Variants in TRAPPC9 observed in about 807,000 individuals in gnomAD.
TRAPPC9 encodes the protein trafficking protein particle complex subunit 9.
TRAPPC9 carries 83 observed loss-of-function variants against 124.0 expected under a neutral mutation model. That is an observed-to-expected ratio of 0.67 (90% CI 0.56 to 0.80). The LOEUF (loss-of-function observed/expected upper bound fraction) is 0.80. Among genes scored for constraint, TRAPPC9 ranks in the 30% least tolerant of loss-of-function variants. TRAPPC9 has a pLI of 0.00. For missense variants in TRAPPC9, 1,302 were observed against 1,508.3 expected (o/e 0.86, Z 2.27); for synonymous variants, 638 against 617.5 (o/e 1.03, Z -0.49).
At chr8:140,369,067 C>T (rs997009251) in intron 8 of TRAPPC9, among the ~76,000 whole-genome samples, 2 of 152,098 alleles carry the variant, frequency 1.3e-5, no homozygotes, top group Admixed American at 6.5e-5. Flanking sequence ...CCGCACAGAC[C>T]GTGTGGCTCA....
At chr8:139,761,612 G>A (rs909488871) in intron 21 of TRAPPC9, among the ~76,000 whole-genome samples, 3 of 151,896 alleles carry the variant, frequency 2.0e-5, no homozygotes, top group East Asian at 2.0e-4. Context: ...GCACAGCTCC[G>A]CCAGGTGTCA....
chr8:140,336,826 TGACGATGGAAGGAAGAA>T (rs2132034087), intron 9 of TRAPPC9, among the ~76,000 whole-genome samples: 1 of 152,236 alleles, frequency 6.6e-6, no homozygotes, highest in South Asian at 2.1e-4. Context: ...ACCAGGGCCG[TGACGATGGAAGGAAGAA>T]GACGAATTCC....
chr8:139,842,887 C>T (rs1826832140), intron 21 of TRAPPC9, among the ~76,000 whole-genome samples: 1 of 152,238 alleles, frequency 6.6e-6, no homozygotes, highest in African/African-American at 2.4e-5. Context: ...TGTCACCCCT[C>T]TAATCTTAAG....
chr8:139,765,455 G>A (rs1302036519), intron 21 of TRAPPC9, among the ~76,000 whole-genome samples: 2 of 152,234 alleles, frequency 1.3e-5, no homozygotes, highest in African/African-American at 4.8e-5. Flanking sequence ...GGCTCCAGAA[G>A]GTTAGTAGCC....
At chr8:140,207,450 C>T (rs2062953705) in intron 17 of TRAPPC9, among the ~76,000 whole-genome samples, 1 of 152,224 alleles carries the variant, frequency 6.6e-6, no homozygotes, top group Non-Finnish European at 1.5e-5. Flanking sequence ...TTCTGTCAGT[C>T]ATTCTCAATA....
chr8:139,941,807 G>A (rs79506242), intron 19 of TRAPPC9, among the ~76,000 whole-genome samples: 3,222 of 152,306 alleles, frequency 0.021, 82 homozygotes, highest in East Asian at 0.064. Flanking sequence ...GCACCCCTGG[G>A]CTCAGTCTCT....
intron 16 of TRAPPC9, among the ~76,000 whole-genome samples, chr8:140,245,393 G>C (rs1003400991): frequency 6.6e-6 from 1 of 152,110 alleles, no homozygotes; most frequent in Non-Finnish European, 1.5e-5. Context: ...CAGTTTAGCT[G>C]TGCCTGTTTT....
intron 18 of TRAPPC9, among the ~76,000 whole-genome samples, chr8:140,019,694 A>G (rs1409828117): frequency 6.6e-6 from 1 of 151,534 alleles, no homozygotes; most frequent in Non-Finnish European, 1.5e-5. Flanking sequence ...CTGGAATTAC[A>G]GGCATGCACC....
At chr8:140,184,623 A>G (rs1363774182) in intron 17 of TRAPPC9, among the ~76,000 whole-genome samples, 4 of 151,936 alleles carry the variant, frequency 2.6e-5, no homozygotes, top group South Asian at 4.1e-4. Flanking sequence ...GTTTTGTTTT[A>G]TTTTTAGTAG....
At chr8:140,159,048 C>T (rs1587830436) in intron 17 of TRAPPC9, among the ~76,000 whole-genome samples, 1 of 152,154 alleles carries the variant, frequency 6.6e-6, no homozygotes, top group South Asian at 2.1e-4. Context: ...CTGCCCTTGG[C>T]GGAAGTTCCC....
At position 139,728,270 on chromosome 8, in the gene TRAPPC9, C is replaced by T. The variant is rs1232055927; in HGVS notation, c.*2791G>A. Among the ~76,000 whole-genome samples the T allele has an allele frequency of 4.6e-5, 7 of 152,094 alleles. No individual in the cohort carries two copies. Among genetic ancestry groups the T allele is most frequent in the Admixed American group, 6.5e-5 (1 of 15,274 alleles). On this transcript the variant is annotated 3_prime_UTR_variant, in exon 23 of 23. Coordinates refer to ENST00000438773, the MANE Select transcript of TRAPPC9 (RefSeq NM_001160372.4). ...GACGGCTGCATGATTATGGGGTCAC[C>T]GGGCCTGTCCTGGCCCTGAGGGACC... is the stretch of plus-strand genomic sequence containing the variant.
At chr8:140,441,618 C>T (rs1398008864) in intron 2 of TRAPPC9, among the ~76,000 whole-genome samples, 2 of 151,908 alleles carry the variant, frequency 1.3e-5, no homozygotes, top group African/African-American at 2.4e-5. Flanking sequence ...GCTAGGACTT[C>T]GAGACGGCTG....
At chr8:140,404,902 GAGCA>G (rs1438768979) in intron 6 of TRAPPC9, among the ~76,000 whole-genome samples, 4 of 137,656 alleles carry the variant, frequency 2.9e-5, no homozygotes, top group Admixed American at 7.7e-5. Flanking sequence ...ACGTGTGTGT[GAGCA>G]TGCGTGTGTG....
chr8:139,834,136 T>C (rs912500241), intron 21 of TRAPPC9, among the ~76,000 whole-genome samples: 18 of 152,218 alleles, frequency 1.2e-4, no homozygotes, highest in Middle Eastern at 3.4e-3. Flanking sequence ...TGAGGTTCTG[T>C]GTACCCAGCG....
intron 19 of TRAPPC9, among the ~76,000 whole-genome samples, chr8:139,919,410 G>C (rs1832365217): frequency 6.6e-6 from 1 of 152,218 alleles, no homozygotes; most frequent in Non-Finnish European, 1.5e-5. Context: ...AAGTTTTAAA[G>C]TGGACGACGG....
At chr8:140,356,577 T>C (rs1196576553) in intron 9 of TRAPPC9, among the ~76,000 whole-genome samples, 1 of 151,554 alleles carries the variant, frequency 6.6e-6, no homozygotes, top group African/African-American at 2.4e-5. Flanking sequence ...TACACACACA[T>C]ACAGTGTACA....
intron 17 of TRAPPC9, among the ~76,000 whole-genome samples, chr8:140,026,407 C>A (rs1294743873): frequency 6.6e-6 from 1 of 152,128 alleles, no homozygotes; most frequent in Non-Finnish European, 1.5e-5. Context: ...TGAGAAGCCA[C>A]CATATTGTTT....
intron 19 of TRAPPC9, among the ~76,000 whole-genome samples, chr8:139,921,998 A>G: frequency 6.6e-6 from 1 of 152,152 alleles, no homozygotes. Context: ...CCCACATGGA[A>G]ATAAATGTCA....
chr8:140,444,928 G>C (rs921440209), intron 2 of TRAPPC9, among the ~76,000 whole-genome samples: 16 of 149,784 alleles, frequency 1.1e-4, no homozygotes, highest in Non-Finnish European at 2.1e-4. Context: ...CAAGCACCCA[G>C]GGGTCAGCCC....
Sources: allele counts gnomAD v4.1 joint callset (sites outside exome capture counted in the v4.1 genomes callset), GRCh38; gene constraint gnomAD v4.1.1; transcripts MANE v1.5; gene names NCBI Gene and HGNC (gene_info 2026-07-23, HGNC 2026-07-21).